PPP1R21: variants seen among roughly 807,000 people sequenced by gnomAD.
PPP1R21 encodes KLRAQ motif containing 1.
In PPP1R21, 85 loss-of-function variants were observed where a neutral mutation model predicts 112.8. That is an observed-to-expected ratio of 0.75 (90% CI 0.63 to 0.90). PPP1R21 has a LOEUF of 0.90. Ranked by LOEUF, PPP1R21 falls within the 40% of genes least tolerant of loss-of-function variation. The pLI is 0.00. For synonymous variants in PPP1R21, 381 were observed against 322.3 expected (o/e 1.18, Z -1.95); for missense variants, 1,199 against 901.5 (o/e 1.33, Z -4.23).
At chr2:48,497,215 C>T (rs1466674453) in intron 16 of PPP1R21, among the ~76,000 whole-genome samples, 1 of 152,264 alleles carries the variant, frequency 6.6e-6, no homozygotes, top group East Asian at 1.9e-4. Context: ...TGGGAGGACA[C>T]CCAGCTGATG....
intron 17 of PPP1R21, among the ~76,000 whole-genome samples, chr2:48,504,246 T>C (rs1297522947): frequency 6.6e-6 from 1 of 152,208 alleles, no homozygotes; most frequent in Non-Finnish European, 1.5e-5. Context: ...TATCAAAGAC[T>C]CTTTTACAGC....
At chr2:48,509,338 T>C (rs1670528453) in intron 19 of PPP1R21, among the ~76,000 whole-genome samples, 1 of 151,872 alleles carries the variant, frequency 6.6e-6, no homozygotes, top group Non-Finnish European at 1.5e-5. Context: ...CAGAAGCTCC[T>C]GATAACTTTT....
intron 18 of PPP1R21, 60 bp from the exon 19 acceptor site, chr2:48,507,209 T>C (rs1020707773): frequency 2.1e-5 from 29 of 1,374,592 alleles, no homozygotes; most frequent in Admixed American, 1.3e-4. Flanking sequence ...TTTTTTTTTT[T>C]CTAGAAATGC....
rs781766986 is a variant in PPP1R21 at position 48,507,382 on chromosome 2, C to T, written c.2082C>T (p.Ala694=). The T allele has an allele frequency of 1.9e-5, 31 of 1,599,602 alleles. No individual in the cohort carries two copies. Among genetic ancestry groups the T allele is most frequent in the Admixed American group, 3.6e-5 (2 of 56,072 alleles). Residue 694 remains alanine (A), a synonymous_variant, in exon 19 of 22, where the codon GCC becomes GCT. Coordinates refer to ENST00000294952, the MANE Select transcript of PPP1R21 (RefSeq NM_001135629.3). ...ACAGTAAGTCAGTGCATTTTTATGC[C>T]GAGGTGAGTGTAGATTTAATTAGAT... ...LADSKSVHFY[A]ECRALSKRLA...
intron 13 of PPP1R21, among the ~76,000 whole-genome samples, chr2:48,483,939 C>T (rs759877734): frequency 1.3e-5 from 2 of 152,032 alleles, no homozygotes; most frequent in Non-Finnish European, 2.9e-5. Context: ...CCTTCTGCTT[C>T]GGTCTCCCAA....
At chr2:48,451,568 A>G (rs1322251445) in intron 2 of PPP1R21, among the ~76,000 whole-genome samples, 2 of 152,246 alleles carry the variant, frequency 1.3e-5, no homozygotes, top group Admixed American at 1.3e-4. Flanking sequence ...TTTGAGTGAT[A>G]CATTTTACCA....
At chr2:48,490,226 A>T (rs1669499935) in intron 14 of PPP1R21, among the ~76,000 whole-genome samples, 3 of 119,148 alleles carry the variant, frequency 2.5e-5, no homozygotes, top group Admixed American at 2.4e-4. Flanking sequence ...CTCAAAAAAA[A>T]AAAAAAAAAA....
intron 15 of PPP1R21, among the ~76,000 whole-genome samples, chr2:48,493,098 C>G (rs1417569667): frequency 6.6e-6 from 1 of 150,814 alleles, no homozygotes; most frequent in Non-Finnish European, 1.5e-5. Flanking sequence ...CTCCGCCTCC[C>G]GGGTTCACAC....
rs34664331 is a variant in PPP1R21 at position 48,440,812 on chromosome 2, C to CGCGGCGGCGGCGGCGGCG, written c.-136_-119dup. On this transcript the variant is annotated 5_prime_UTR_variant, in exon 1 of 22. Coordinates refer to ENST00000294952, the MANE Select transcript of PPP1R21 (RefSeq NM_001135629.3). ...GGGAACCCGGAAGTGGAGGAGGAGG[C>CGCGGCGGCGGCGGCGGCG]GCGGCGGCGGCGGCGGCGGCGGCTG... 20 of 626,744 alleles carry CGCGGCGGCGGCGGCGGCG rather than the reference C, an allele frequency of 3.2e-5. 1 individual carries two copies. In the Middle Eastern group the frequency reaches 2.5e-3, roughly 79 times the overall value. The allele number at this position is 626,744 out of a possible 1,614,324, so 38.8% of individuals were successfully genotyped here.
At chr2:48,490,218 C>CAAAAAAAA (rs70943343) in intron 14 of PPP1R21, among the ~76,000 whole-genome samples, 65 of 93,722 alleles carry the variant, frequency 6.9e-4, no homozygotes, top group South Asian at 1.7e-3. Context: ...GACGCCGACT[C>CAAAAAAAA]AAAAAAAAAA....
chr2:48,471,392 A>G, intron 11 of PPP1R21, 25 bp downstream of exon 11: 1 of 1,583,620 alleles, frequency 6.3e-7, no homozygotes, highest in Non-Finnish European at 8.6e-7. Context: ...AGGCCAGGGA[A>G]CTTGGGGAAT....
intron 12 of PPP1R21, 79 bp downstream of exon 12, chr2:48,474,898 A>G: frequency 8.0e-7 from 1 of 1,254,890 alleles, no homozygotes; most frequent in Non-Finnish European, 1.1e-6. Context: ...TGGTTTAGCT[A>G]AGTAGAGTGA....
chr2:48,497,213 C>T (rs183514121), intron 16 of PPP1R21, among the ~76,000 whole-genome samples: 13 of 152,298 alleles, frequency 8.5e-5, no homozygotes, highest in Non-Finnish European at 1.6e-4. Context: ...AATGGGAGGA[C>T]ACCCAGCTGA....
intron 4 of PPP1R21, among the ~76,000 whole-genome samples, 156 bp from the exon 5 acceptor site, chr2:48,459,598 C>G (rs1435252043): frequency 1.3e-5 from 2 of 152,168 alleles, no homozygotes; most frequent in East Asian, 1.9e-4. Context: ...CTTCTGATAT[C>G]CTGTGAGGAT....
chr2:48,502,841 C>T (rs1047260178), intron 17 of PPP1R21, among the ~76,000 whole-genome samples: 3 of 151,786 alleles, frequency 2.0e-5, no homozygotes, highest in East Asian at 1.9e-4. Context: ...CCACCATGCC[C>T]GGCTAATTTT....
intron 2 of PPP1R21, 25 bp downstream of exon 2, chr2:48,451,101 T>C: frequency 1.9e-6 from 3 of 1,597,100 alleles, no homozygotes; most frequent in Non-Finnish European, 2.6e-6. Context: ...ATTTGTGTTG[T>C]GAGGGTTAAG....
intron 17 of PPP1R21, among the ~76,000 whole-genome samples, chr2:48,505,004 A>T (rs1266040951): frequency 3.3e-5 from 5 of 152,166 alleles, no homozygotes; most frequent in African/African-American, 4.8e-5. Context: ...TAAAAAAAAA[A>T]TTAGAAAGAA....
intron 4 of PPP1R21, 46 bp from the exon 5 acceptor site, chr2:48,459,708 G>A (rs772870845): frequency 1.1e-5 from 17 of 1,576,224 alleles, no homozygotes; most frequent in Non-Finnish European, 1.5e-5. Flanking sequence ...TCTCATTTAT[G>A]TATATTAGGA....
At position 48,440,823 on chromosome 2, in the gene PPP1R21, C is replaced by A; in HGVS notation, c.-131C>A. On this transcript the variant is annotated 5_prime_UTR_variant, in exon 1 of 22. Coordinates refer to ENST00000294952, the MANE Select transcript of PPP1R21 (RefSeq NM_001135629.3). Reference sequence around the variant, plus strand: ...AGTGGAGGAGGAGGCGCGGCGGCGGCGGCGGCGGCGGCTGCGGTGGCCAAG... The same window carrying A: ...AGTGGAGGAGGAGGCGCGGCGGCGGAGGCGGCGGCGGCTGCGGTGGCCAAG... 1.5e-6 allele frequency: 1 copy of A among 672,780 alleles called. No individual in the cohort carries two copies. Among genetic ancestry groups the A allele is most frequent in the Non-Finnish European group, 2.6e-6 (1 of 387,546 alleles). 41.7% of individuals were successfully genotyped at this position (672,780 alleles called of 1,614,324 possible).
Sources: allele counts gnomAD v4.1 joint callset (sites outside exome capture counted in the v4.1 genomes callset), GRCh38; gene constraint gnomAD v4.1.1; transcripts MANE v1.5; gene names NCBI Gene and HGNC (gene_info 2026-07-23, HGNC 2026-07-21).